ATP11A: variants seen among roughly 807,000 people sequenced by gnomAD.
ATP11A encodes the protein phospholipid-transporting ATPase IH.
In ATP11A, 81 loss-of-function variants were observed where a neutral mutation model predicts 154.4. The ratio of observed to expected loss-of-function variants is 0.52; its 90% CI spans 0.44 to 0.63. ATP11A has a LOEUF of 0.63. Among genes scored for constraint, ATP11A ranks in the 30% least tolerant of loss-of-function variants. ATP11A has a pLI of 0.00. For synonymous variants in ATP11A, 623 were observed against 585.9 expected (o/e 1.06, Z -0.91); for missense variants, 1,316 against 1,474.3 (o/e 0.89, Z 1.76).
intron 25 of ATP11A, among the ~76,000 whole-genome samples, chr13:112,865,928 C>A (rs1426486690): frequency 6.6e-6 from 1 of 152,208 alleles, no homozygotes; most frequent in African/African-American, 2.4e-5. Context: ...TACCATTATA[C>A]CATTTAGACA....
intron 1 of ATP11A, among the ~76,000 whole-genome samples, chr13:112,759,307 T>C (rs1347084194): frequency 2.0e-5 from 3 of 152,192 alleles, no homozygotes; most frequent in African/African-American, 4.8e-5. Flanking sequence ...TGTCTTGCTC[T>C]GAAGCAGAGG....
chr13:112,874,738 A>T (rs1161143799), intron 27 of ATP11A, among the ~76,000 whole-genome samples: 1 of 152,162 alleles, frequency 6.6e-6, no homozygotes, highest in Middle Eastern at 3.2e-3. Flanking sequence ...ATGACAGCCC[A>T]GCTTGGAGGG....
At chr13:112,848,970 G>A (rs2079685575) in intron 17 of ATP11A, among the ~76,000 whole-genome samples, 1 of 152,234 alleles carries the variant, frequency 6.6e-6, no homozygotes, top group Non-Finnish European at 1.5e-5. Flanking sequence ...TTACAGGCGT[G>A]AGCCATCATG....
At position 112,882,631 on chromosome 13, in the gene ATP11A, C is replaced by T. The variant is rs940029597; in HGVS notation, c.*765C>T. 1.5e-5 allele frequency: 6 copies of T among 401,078 alleles called. No homozygotes were observed. The highest frequency in any genetic ancestry group is 2.6e-5 in the Non-Finnish European group (6 of 228,308). The allele number at this position is 401,078 out of a possible 1,614,324, so 24.8% of individuals were successfully genotyped here. On this transcript the variant is annotated 3_prime_UTR_variant, in exon 30 of 30. Coordinates refer to ENST00000375645, the MANE Select transcript of ATP11A (RefSeq NM_015205.3). This position sits in a 1 kb window ranked among gnomAD's most constrained non-coding sequence, Gnocchi z 5.1. ...GGGGCTGGCTGAGTTTCGGTCTCCC[C>T]ATCACCGGCCGCCTCGTGGAGAAGG...
At chr13:112,780,034 A>C (rs1234501282) in intron 1 of ATP11A, among the ~76,000 whole-genome samples, 1 of 152,136 alleles carries the variant, frequency 6.6e-6, no homozygotes, top group East Asian at 1.9e-4. Context: ...AGTTGTACAG[A>C]TGAGTGATAT....
rs1355092662 is a variant in ATP11A, at chr13:112,885,982, C to T, written c.*4116C>T. The T allele has an allele frequency of 1.3e-5, 2 of 152,364 alleles. No individual in the cohort carries two copies. Among genetic ancestry groups the T allele is most frequent in the Non-Finnish European group, 2.9e-5 (2 of 68,120 alleles). The allele number at this position is 152,364 out of a possible 1,614,324, so 9.4% of individuals were successfully genotyped here. On this transcript the variant is annotated 3_prime_UTR_variant, in exon 30 of 30. Transcript: ENST00000375645. ...GGAGGTCCAGCCTCGCAAGCTGAAA[C>T]CTCCCCTCGGCTCAGCCCTATACCA... is the stretch of plus-strand genomic sequence containing the variant.
intron 1 of ATP11A, among the ~76,000 whole-genome samples, chr13:112,727,071 AG>A (rs1199924894): frequency 1.3e-5 from 2 of 152,208 alleles, no homozygotes; most frequent in African/African-American, 4.8e-5. Flanking sequence ...TTCTTGAGAC[AG>A]ATTGTTGCTC....
rs1203176268 is a variant in ATP11A at position 112,884,162 on chromosome 13, C to T, written c.*2296C>T. Reference sequence around the variant, plus strand: ...GATTTGATTTTATTCTCTACACACACCTCTTCTTTTCTTGGTATTTCTGGT... The same window carrying T: ...GATTTGATTTTATTCTCTACACACATCTCTTCTTTTCTTGGTATTTCTGGT... On this transcript the variant is annotated 3_prime_UTR_variant, in exon 30 of 30. Coordinates refer to ENST00000375645, the MANE Select transcript of ATP11A (RefSeq NM_015205.3). The T allele has an allele frequency of 6.6e-6, 1 of 152,554 alleles. No homozygotes were observed. 9.5% of individuals were successfully genotyped at this position (152,554 alleles called of 1,614,324 possible).
chr13:112,842,149 TA>T, intron 16 of ATP11A, 126 bp from the exon 17 acceptor site: 1 of 723,236 alleles, frequency 1.4e-6, no homozygotes, highest in Non-Finnish European at 2.3e-6. Flanking sequence ...ACTGGTCCAT[TA>T]AAATCTTTAA....
chr13:112,830,421 C>G (rs548616224), intron 12 of ATP11A, among the ~76,000 whole-genome samples: 1 of 151,976 alleles, frequency 6.6e-6, no homozygotes, highest in Non-Finnish European at 1.5e-5. Flanking sequence ...ACTAAAAATA[C>G]AAAAATTAGC....
chr13:112,859,231 C>T lies in ATP11A; in HGVS notation c.2668-162C>T. On this transcript the variant is annotated intron_variant, in intron 22 of 29. Coordinates refer to ENST00000375645, the MANE Select transcript of ATP11A (RefSeq NM_015205.3). The surrounding 1 kb of genome is among the most constrained non-coding windows in gnomAD (Gnocchi z 4.3). ...CGTGGTCACATGTGCATTTCAGTTG[C>T]CCCTGAAATAAGAGAAAGCTTTCTA... 1.5e-6 allele frequency: 1 copy of T among 667,638 alleles called. No individual in the cohort carries two copies. Among genetic ancestry groups the T allele is most frequent in the South Asian group, 1.7e-5 (1 of 59,454 alleles). The allele number at this position is 667,638 out of a possible 1,614,324, so 41.4% of individuals were successfully genotyped here. A position where few individuals can be genotyped will look rare whatever the true frequency, so the allele number is the denominator to read the frequency against.
intron 1 of ATP11A, among the ~76,000 whole-genome samples, chr13:112,768,358 G>C (rs1180332952): frequency 6.6e-6 from 1 of 152,192 alleles, no homozygotes; most frequent in African/African-American, 2.4e-5. Context: ...CCTCTCCAGC[G>C]GACGCTGCAC....
At chr13:112,772,433 A>G (rs921960213) in intron 1 of ATP11A, among the ~76,000 whole-genome samples, 23 of 152,238 alleles carry the variant, frequency 1.5e-4, no homozygotes, top group Non-Finnish European at 3.1e-4. Flanking sequence ...TATAACTTAC[A>G]TATCATAAAA....
intron 1 of ATP11A, among the ~76,000 whole-genome samples, chr13:112,740,667 G>A (rs80008726): frequency 2.4e-3 from 358 of 152,334 alleles, no homozygotes; most frequent in African/African-American, 8.2e-3. Context: ...CAGACAAGGC[G>A]TGCTGCCCAG....
chr13:112,790,602 G>C (rs2077824184), intron 2 of ATP11A, among the ~76,000 whole-genome samples: 1 of 149,310 alleles, frequency 6.7e-6, no homozygotes, highest in Non-Finnish European at 1.5e-5. Context: ...GTGTCCTGAT[G>C]TGTAGACCCC....
At chr13:112,817,921 T>TG (rs1291087383) in intron 6 of ATP11A, among the ~76,000 whole-genome samples, 2 of 152,216 alleles carry the variant, frequency 1.3e-5, no homozygotes, top group African/African-American at 4.8e-5. Context: ...TTGGATCCCG[T>TG]GGGGCTCACG....
At chr13:112,715,019 A>G (rs1242976510) in intron 1 of ATP11A, among the ~76,000 whole-genome samples, 1 of 152,168 alleles carries the variant, frequency 6.6e-6, no homozygotes, top group African/African-American at 2.4e-5. Flanking sequence ...AGTGACTCAC[A>G]CAGGATTTGT....
chr13:112,786,628 C>T (rs529640214), intron 2 of ATP11A, among the ~76,000 whole-genome samples: 37 of 132,238 alleles, frequency 2.8e-4, no homozygotes, highest in African/African-American at 1.2e-3. Flanking sequence ...ACGGGCTGCA[C>T]ATGGGGTAAA....
At position 112,824,119 on chromosome 13, in the gene ATP11A, T is replaced by A. The variant is rs2078870432; in HGVS notation, c.791-225T>A. Among the ~76,000 whole-genome samples the A allele has an allele frequency of 2.0e-5, 3 of 152,160 alleles. No individual in the cohort carries two copies. The South Asian group carries it at 6.2e-4, about 32-fold the overall frequency. On this transcript the variant is annotated intron_variant, in intron 9 of 29. Transcript: ENST00000375645. ...GGTGGGCCCAGTGTATATTAAGATA[T>A]GAACTCTTAAAAAATGAAGCATAGA... is the stretch of plus-strand genomic sequence containing the variant.
Sources: gnomAD v4.1 joint callset for allele counts (sites outside exome capture counted in the v4.1 genomes callset) on GRCh38, gnomAD v4.1.1 for gene constraint, Gnocchi (gnomAD v3.1) non-coding constraint, MANE v1.5 for transcripts, NCBI Gene and HGNC (gene_info 2026-07-23, HGNC 2026-07-21) for gene names.